Variants in CREB5 observed in about 807,000 individuals in gnomAD.
The protein encoded by CREB5 is cyclic AMP-responsive element-binding protein 5.
CREB5 carries 19 observed loss-of-function variants against 57.1 expected under a neutral mutation model. The observed-to-expected ratio is 0.33, with a 90% CI of 0.23 to 0.49. The LOEUF (loss-of-function observed/expected upper bound fraction) is 0.49, where lower values mean the gene tolerates loss of function less well. Ranked by LOEUF, CREB5 falls within the 20% of genes least tolerant of loss-of-function variation. The pLI, the probability that CREB5 is intolerant of heterozygous loss-of-function variation, is 0.99. For synonymous variants in CREB5, 238 were observed against 238.3 expected (o/e 1.00, Z 0.01); for missense variants, 579 against 671.6 (o/e 0.86, Z 1.52).
intron 4 of CREB5, among the ~76,000 whole-genome samples, chr7:28,520,643 C>A (rs1043188819): frequency 1.3e-5 from 2 of 152,182 alleles, no homozygotes; most frequent in Non-Finnish European, 2.9e-5. Flanking sequence ...GGGGATAAAC[C>A]TTCATTGTAA....
At chr7:28,311,738 G>A (rs1785280788) in intron 1 of CREB5, among the ~76,000 whole-genome samples, 1 of 152,228 alleles carries the variant, frequency 6.6e-6, no homozygotes, top group African/African-American at 2.4e-5. Context: ...CCTGGGCAAG[G>A]TACGGCACCT....
intron 1 of CREB5, among the ~76,000 whole-genome samples, chr7:28,417,738 T>C (rs1420829143): frequency 6.6e-6 from 1 of 152,240 alleles, no homozygotes; most frequent in Non-Finnish European, 1.5e-5. Context: ...GGAAAGGGAT[T>C]GCAGTAAAGC....
intron 5 of CREB5, among the ~76,000 whole-genome samples, chr7:28,688,436 T>C (rs988065252): frequency 6.6e-5 from 10 of 152,314 alleles, no homozygotes; most frequent in African/African-American, 2.2e-4. Flanking sequence ...ATGAATTTAT[T>C]CCCCCAAAGA....
chr7:28,424,678 A>C (rs889588328), intron 1 of CREB5, among the ~76,000 whole-genome samples: 6 of 152,246 alleles, frequency 3.9e-5, no homozygotes, highest in Non-Finnish European at 7.3e-5. Context: ...AACCATGAGA[A>C]GAAAGAATTA....
At chr7:28,300,271 CTGAA>C (rs1355374617) in intron 1 of CREB5, among the ~76,000 whole-genome samples, 17 of 152,216 alleles carry the variant, frequency 1.1e-4, no homozygotes, top group African/African-American at 3.6e-4. Flanking sequence ...TACACACTGA[CTGAA>C]TGGGCTGTGA....
rs562369067 is a variant in CREB5 at position 28,733,358 on chromosome 7, T to G, written c.702+9026T>G. 2.6e-4 allele frequency among the ~76,000 whole-genome samples: 39 copies of G among 152,294 alleles called. No individual in the cohort carries two copies. The East Asian group carries it at 6.6e-3, about 26-fold the overall frequency. ...GTTTCCAAGGTACCTGAGCCTCAGT[T>G]TGGTCCAGTGTTCCTACCAGCCCCT... On this transcript the variant is annotated intron_variant, in intron 7 of 10. Transcript: ENST00000357727.
At chr7:28,486,653 G>T (rs1016569195) in intron 1 of CREB5, among the ~76,000 whole-genome samples, 1 of 72,220 alleles carries the variant, frequency 1.4e-5, no homozygotes, top group African/African-American at 5.7e-5. Flanking sequence ...ATAACTAAAC[G>T]TGTATCTCCT....
intron 4 of CREB5, among the ~76,000 whole-genome samples, chr7:28,525,595 GAAAAA>G (rs543828345): frequency 2.0e-5 from 3 of 151,620 alleles, no homozygotes; most frequent in African/African-American, 7.3e-5. Context: ...TGAGCATTTT[GAAAAA>G]AAATGTATCT....
At chr7:28,575,045 C>T (rs1350716617) in intron 5 of CREB5, among the ~76,000 whole-genome samples, 1 of 152,128 alleles carries the variant, frequency 6.6e-6, no homozygotes, top group African/African-American at 2.4e-5. Flanking sequence ...ATAAATTGTA[C>T]CTCCTCTTAC....
chr7:28,814,030 A>C (rs1809278921), intron 9 of CREB5, among the ~76,000 whole-genome samples: 1 of 152,228 alleles, frequency 6.6e-6, no homozygotes, highest in Non-Finnish European at 1.5e-5. Context: ...TCAATTTATA[A>C]AGCAAGGTAA....
intron 2 of CREB5, 97 bp downstream of exon 2, chr7:28,488,343 T>C: frequency 9.3e-7 from 1 of 1,072,760 alleles, no homozygotes. Flanking sequence ...TGGGCTTTCC[T>C]TCTTTACCAA....
At chr7:28,475,983 G>A (rs1791053985) in intron 1 of CREB5, among the ~76,000 whole-genome samples, 1 of 152,076 alleles carries the variant, frequency 6.6e-6, no homozygotes, top group African/African-American at 2.4e-5. Context: ...TCTTAGTCTG[G>A]CAGTTATTTA....
intron 4 of CREB5, among the ~76,000 whole-genome samples, chr7:28,518,360 A>G (rs1793064701): frequency 6.6e-6 from 1 of 152,154 alleles, no homozygotes; most frequent in Non-Finnish European, 1.5e-5. Flanking sequence ...AGGCTGATTG[A>G]CTACAGGTGA....
In CREB5 at chr7:28,696,812, A is replaced by G. The variant is rs200936050; in HGVS notation, c.465-21941A>G. Reference sequence around the variant, plus strand: ...CGTATACGTATACGTATATATACACATACGTATACGTATACATACACATAC... The same window carrying G: ...CGTATACGTATACGTATATATACACGTACGTATACGTATACATACACATAC... On this transcript the variant is annotated intron_variant, in intron 5 of 10. Transcript: ENST00000357727. Among the ~76,000 whole-genome samples, 10 of 152,020 alleles carry G rather than the reference A, an allele frequency of 6.6e-5. No individual in the cohort carries two copies. In the East Asian group the frequency reaches 1.4e-3, roughly 21 times the overall value.
At chr7:28,800,829 T>G (rs1054280714) in intron 7 of CREB5, among the ~76,000 whole-genome samples, 13 of 152,220 alleles carry the variant, frequency 8.5e-5, no homozygotes, top group Non-Finnish European at 1.6e-4. Context: ...TCGCGCTTTC[T>G]GCTTTTCCTT....
chr7:28,679,515 GT>G (rs1800487767), intron 5 of CREB5, among the ~76,000 whole-genome samples: 1 of 152,150 alleles, frequency 6.6e-6, no homozygotes, highest in African/African-American at 2.4e-5. Context: ...GGTGAGCAGT[GT>G]AAGGCCTTCT....
intron 4 of CREB5, among the ~76,000 whole-genome samples, chr7:28,531,964 G>A (rs1793749648): frequency 6.6e-6 from 1 of 152,226 alleles, no homozygotes; most frequent in Non-Finnish European, 1.5e-5. Context: ...AGGAGGCGGA[G>A]GTTGCAGTGA....
chr7:28,676,946 A>G (rs1161516564), intron 5 of CREB5, among the ~76,000 whole-genome samples: 1 of 152,346 alleles, frequency 6.6e-6, no homozygotes, highest in East Asian at 1.9e-4. Context: ...CCTGGAGACC[A>G]TAATGCCATA....
At chr7:28,723,010 C>T (rs1384069223) in intron 6 of CREB5, among the ~76,000 whole-genome samples, 1 of 152,224 alleles carries the variant, frequency 6.6e-6, no homozygotes, top group Admixed American at 6.5e-5. Flanking sequence ...TCAAGCTTCA[C>T]TCTTGTTCGT....
Sources: gnomAD v4.1 joint callset for allele counts (sites outside exome capture counted in the v4.1 genomes callset) on GRCh38, gnomAD v4.1.1 for gene constraint, MANE v1.5 for transcripts, NCBI Gene and HGNC (gene_info 2026-07-23, HGNC 2026-07-21) for gene names.